MYRFL: variants seen among roughly 807,000 people sequenced by gnomAD.
MYRFL encodes myelin regulatory factor-like protein.
In MYRFL, 88 loss-of-function variants were observed where a neutral mutation model predicts 109.4. That is an observed-to-expected ratio of 0.80 (90% CI 0.68 to 0.96). The LOEUF (loss-of-function observed/expected upper bound fraction) is 0.96, where lower values mean the gene tolerates loss of function less well. Among genes scored for constraint, MYRFL ranks in the 40% least tolerant of loss-of-function variants. The pLI, the probability that MYRFL is intolerant of heterozygous loss-of-function variation, is 0.00. For synonymous variants in MYRFL, 324 were observed against 320.9 expected (o/e 1.01, Z -0.10); for missense variants, 957 against 954.9 (o/e 1.00, Z -0.03).
chr12:69,949,837 G>A (rs1029367187), intron 19 of MYRFL, among the ~76,000 whole-genome samples: 1 of 152,044 alleles, frequency 6.6e-6, no homozygotes, highest in African/African-American at 2.4e-5. Flanking sequence ...TAGCAAAATT[G>A]TGGACTCTGG....
chr12:69,945,687 T>C (rs1246590292), intron 19 of MYRFL, among the ~76,000 whole-genome samples: 1 of 152,094 alleles, frequency 6.6e-6, no homozygotes, highest in East Asian at 1.9e-4. Context: ...TACAGAATTT[T>C]CATGTTAAAA....
intron 1 of MYRFL, among the ~76,000 whole-genome samples, chr12:69,829,043 C>T (rs1437394488): frequency 6.6e-6 from 1 of 151,820 alleles, no homozygotes; most frequent in Non-Finnish European, 1.5e-5. Flanking sequence ...GAAAAGTATG[C>T]CGTGGGAAAA....
At chr12:69,850,267 C>G (rs1037233640) in intron 1 of MYRFL, among the ~76,000 whole-genome samples, 1 of 151,830 alleles carries the variant, frequency 6.6e-6, no homozygotes. Context: ...TTATCTGTAG[C>G]ATGAAAACAG....
intron 19 of MYRFL, among the ~76,000 whole-genome samples, chr12:69,951,897 G>C (rs1159625656): frequency 1.3e-5 from 2 of 152,226 alleles, no homozygotes; most frequent in South Asian, 4.1e-4. Context: ...TAGCTGGGAA[G>C]GGGACCCAAT....
chr12:69,935,989 C>T lies in MYRFL; in HGVS notation c.1917-124C>T, dbSNP rs922025126. The T allele has an allele frequency of 5.9e-6, 7 of 1,178,232 alleles. No homozygotes were observed. The African/African-American group carries it at 1.1e-4, about 18-fold the overall frequency. The allele number at this position is 1,178,232 out of a possible 1,614,324, so 73.0% of individuals were successfully genotyped here. A position where few individuals can be genotyped will look rare whatever the true frequency, so the allele number is the denominator to read the frequency against. Reference sequence around the variant, plus strand: ...TCTGTCAGCCGTGGCCATCCCCTCCCCCCTGCTCCCATCTGTGTGGCCTGT... The same window carrying T: ...TCTGTCAGCCGTGGCCATCCCCTCCTCCCTGCTCCCATCTGTGTGGCCTGT... On this transcript the variant is annotated intron_variant, in intron 16 of 24. Coordinates refer to ENST00000552032, the MANE Select transcript of MYRFL (RefSeq NM_182530.3).
At chr12:69,942,749 C>T (rs867136296) in intron 19 of MYRFL, among the ~76,000 whole-genome samples, 50 of 151,622 alleles carry the variant, frequency 3.3e-4, no homozygotes, top group Admixed American at 2.9e-3. Flanking sequence ...TCAAATTGTC[C>T]CTGTTTGCAG....
chr12:69,869,805 G>T (rs1269927292), intron 2 of MYRFL, among the ~76,000 whole-genome samples: 5 of 152,174 alleles, frequency 3.3e-5, no homozygotes, highest in African/African-American at 1.2e-4. Flanking sequence ...GTAGAGTCAT[G>T]AGCACAGTAG....
At chr12:69,952,456 T>C (rs2120550166) in intron 20 of MYRFL, among the ~76,000 whole-genome samples, 1 of 152,378 alleles carries the variant, frequency 6.6e-6, no homozygotes, top group Non-Finnish European at 1.5e-5. Context: ...TTTTAGTTTG[T>C]CTTCTGTTTT....
Position 69,825,372 on chromosome 12 carries a change from T to A in MYRFL, c.-146T>A. Reference sequence around the variant, plus strand: ...AACCATCTTTCTGGGCACAATTTGATGGCTGAAGATATGCTTCACTCCAAT... The same window carrying A: ...AACCATCTTTCTGGGCACAATTTGAAGGCTGAAGATATGCTTCACTCCAAT... On this transcript the variant is annotated 5_prime_UTR_variant, in exon 1 of 25. An upstream start codon of the reference 5' UTR is lost. Transcript: ENST00000552032. 1.4e-6 allele frequency: 1 copy of A among 695,396 alleles called. No homozygotes were observed. Among genetic ancestry groups the A allele is most frequent in the Non-Finnish European group, 2.6e-6 (1 of 381,750 alleles). The allele number at this position is 695,396 out of a possible 1,614,324, so 43.1% of individuals were successfully genotyped here.
Position 69,876,475 on chromosome 12 carries a change from G to GA in MYRFL, c.138-2544dup, listed in dbSNP as rs536697439. Among the ~76,000 whole-genome samples, 21 of 149,150 alleles carry GA rather than the reference G, an allele frequency of 1.4e-4. No individual in the cohort carries two copies. The East Asian group carries it at 2.4e-3, about 17-fold the overall frequency. ...AGTTTAATCATCATATAAGAAGGGG[G>GA]AAAAAAAAACGAAAAGAGCTCTTTG... On this transcript the variant is annotated intron_variant, in intron 2 of 24. Transcript: ENST00000552032.
chr12:69,915,073 CT>C (rs1349284942), intron 13 of MYRFL, among the ~76,000 whole-genome samples: 1 of 152,196 alleles, frequency 6.6e-6, no homozygotes, highest in Admixed American at 6.5e-5. Flanking sequence ...TTATAAAAGC[CT>C]CACAGAGCAT....
chr12:69,936,105 T>C lies in MYRFL; in HGVS notation c.1917-8T>C, dbSNP rs1019966020. The C allele has an allele frequency of 4.5e-6, 6 of 1,327,094 alleles. No individual in the cohort carries two copies. Among genetic ancestry groups the C allele is most frequent in the South Asian group, 1.4e-5 (1 of 70,304 alleles). 82.2% of individuals were successfully genotyped at this position (1,327,094 alleles called of 1,614,324 possible). A position where few individuals can be genotyped will look rare whatever the true frequency, so the allele number is the denominator to read the frequency against. On this transcript the variant is annotated splice_polypyrimidine_tract_variant and splice_region_variant and intron_variant, in intron 16 of 24. Coordinates refer to ENST00000552032, the MANE Select transcript of MYRFL (RefSeq NM_182530.3). ...TTTTTTTTTTTTTTTTTTTTTTTTT[T>C]TTGACAGTGCTTTGACGATAGTTGC... is the stretch of plus-strand genomic sequence containing the variant.
At chr12:69,887,142 T>C (rs1886506755) in intron 6 of MYRFL, among the ~76,000 whole-genome samples, 172 bp downstream of exon 6, 1 of 152,182 alleles carries the variant, frequency 6.6e-6, no homozygotes, top group African/African-American at 2.4e-5. Flanking sequence ...ATAGTTGGAA[T>C]ATGGGTTTCT....
chr12:69,909,070 C>T (rs1954468935), intron 11 of MYRFL, among the ~76,000 whole-genome samples: 1 of 152,118 alleles, frequency 6.6e-6, no homozygotes, highest in Non-Finnish European at 1.5e-5. Flanking sequence ...CAGCTCAAGG[C>T]AATTATGTTT....
At chr12:69,843,230 A>G (rs1018926316) in intron 1 of MYRFL, among the ~76,000 whole-genome samples, 5 of 152,218 alleles carry the variant, frequency 3.3e-5, no homozygotes, top group African/African-American at 1.2e-4. Context: ...AATATCTATT[A>G]ACATTTCTGC....
intron 1 of MYRFL, among the ~76,000 whole-genome samples, chr12:69,852,794 C>CGAG (rs1825155950): frequency 1.3e-5 from 2 of 151,478 alleles, no homozygotes; most frequent in Admixed American, 6.6e-5. Context: ...TGACTCTTAA[C>CGAG]GAGCGTGCTG....
At chr12:69,832,097 A>T (rs1882663479) in intron 1 of MYRFL, among the ~76,000 whole-genome samples, 1 of 152,140 alleles carries the variant, frequency 6.6e-6, no homozygotes, top group East Asian at 1.9e-4. Flanking sequence ...GGGTAAAACT[A>T]GTATTAAAAG....
intron 19 of MYRFL, among the ~76,000 whole-genome samples, chr12:69,939,639 T>C (rs1355398494): frequency 5.3e-5 from 8 of 152,110 alleles, no homozygotes; most frequent in Admixed American, 5.2e-4. Flanking sequence ...AGAGCGCCTC[T>C]CCTCCTCCAA....
At chr12:69,928,073 C>G (rs1337046433) in intron 15 of MYRFL, among the ~76,000 whole-genome samples, 1 of 152,126 alleles carries the variant, frequency 6.6e-6, no homozygotes, top group Admixed American at 6.5e-5. Flanking sequence ...ATGCCTTGAC[C>G]GCCACCCCCT....
Sources: allele counts gnomAD v4.1 joint callset (sites outside exome capture counted in the v4.1 genomes callset), GRCh38; gene constraint gnomAD v4.1.1; transcripts MANE v1.5; gene names NCBI Gene and HGNC (gene_info 2026-07-23, HGNC 2026-07-21).